UNC93B1: variants seen among roughly 807,000 people sequenced by gnomAD.
UNC93B1 encodes the protein protein unc-93 homolog B1.
In UNC93B1, 33 loss-of-function variants were observed where a neutral mutation model predicts 56.8. The ratio of observed to expected loss-of-function variants is 0.58; its 90% CI spans 0.44 to 0.78. The LOEUF is 0.78. Ranked by LOEUF, UNC93B1 falls within the 30% of genes least tolerant of loss-of-function variation. The pLI, the probability that UNC93B1 is intolerant of heterozygous loss-of-function variation, is 0.00. For missense variants in UNC93B1, 673 were observed against 819.5 expected, an observed-to-expected ratio of 0.82 and a Z score of 2.18; for synonymous variants, 334 against 358.6, an observed-to-expected ratio of 0.93 and a Z score of 0.77.
intron 10 of UNC93B1, among the ~76,000 whole-genome samples, chr11:67,992,643 A>C (rs976707132): frequency 3.4e-4 from 41 of 121,720 alleles, no homozygotes; most frequent in Middle Eastern, 6.7e-3. Context: ...CAGCCCACTC[A>C]CTGCTTTTCT....
intron 3 of UNC93B1, among the ~76,000 whole-genome samples, chr11:68,002,560 G>A (rs1476029872): frequency 2.0e-5 from 3 of 152,156 alleles, no homozygotes; most frequent in African/African-American, 4.8e-5. Context: ...GCTCAGATCT[G>A]GGGGAGAGCT....
chr11:68,000,754 G>A (rs72940176), intron 3 of UNC93B1, among the ~76,000 whole-genome samples: 41,746 of 152,090 alleles, frequency 0.27, 6,397 homozygotes, highest in African/African-American at 0.41. Context: ...TGAACATGTG[G>A]ATTTGAGTCC....
In UNC93B1 at chr11:67,996,756, C is replaced by T; in HGVS notation, c.935G>A (p.Arg312Gln). 6.4e-7 allele frequency: 1 copy of T among 1,562,380 alleles called. No homozygotes were observed. The highest frequency in any genetic ancestry group is 8.7e-7 in the Non-Finnish European group (1 of 1,153,088). ...LVLGLCGAAY[R>Q]PTEEIDLRSV... ...GCGCAGATCGATCTCCTCCGTGGGC[C>T]GGTAAGCGGCTCCGCACAAACCCAG... Residue 312 changes from arginine (R) to glutamine (Q), a missense_variant, in exon 8 of 11, where the codon CGG (arginine) becomes CAG (glutamine). Transcript: ENST00000227471.
intron 3 of UNC93B1, among the ~76,000 whole-genome samples, chr11:68,000,981 G>C (rs2134365635): frequency 6.6e-6 from 1 of 152,164 alleles, no homozygotes; most frequent in East Asian, 1.9e-4. Flanking sequence ...GATCACCTGA[G>C]GTCAGAAGTT....
chr11:68,003,747 G>A lies in UNC93B1; in HGVS notation c.148C>T (p.Arg50Cys). The change falls in exon 2 of 11, where the codon CGC (arginine) becomes TGC (cysteine). Residue 50 changes from arginine to cysteine, a missense_variant. Around this residue, in one of 3 missense-constraint regions of UNC93B1, gnomAD observed 438 missense variants for 465.9 expected, o/e 0.94. Coordinates refer to ENST00000227471, the MANE Select transcript of UNC93B1 (RefSeq NM_030930.4). This position sits in a 1 kb window ranked among gnomAD's most constrained non-coding sequence, Gnocchi z 4.4. The part of the protein sequence containing the change: ...YPNYNEEEEE[R>C]RYYRRKRLGV... ...AGGCGCTTGCGGCGGTAGTAGCGGC[G>A]CTCCTCCTCCTCCTCGTTGTAGTTG... The A allele has an allele frequency of 6.6e-7, 1 of 1,524,392 alleles. No individual in the cohort carries two copies. The highest frequency in any genetic ancestry group is 8.8e-7 in the Non-Finnish European group (1 of 1,142,030). 94.4% of individuals were successfully genotyped at this position (1,524,392 alleles called of 1,614,324 possible).
chr11:67,991,712 TC>T lies in UNC93B1; in HGVS notation c.1627del (p.Glu543ArgfsTer76). ...QHKVRGYRYLEEDNSDESDAE... is the reference protein window; with the variant it reads ...QHKVRGYRYLXEDNSDESDAE... Reference sequence around the variant, plus strand: ...GTCGCTCTCGTCCGAGTTGTCCTCCTCCAAGTAGCGGTAACCGCGCACCTTG... The same window carrying T: ...GTCGCTCTCGTCCGAGTTGTCCTCCTCAAGTAGCGGTAACCGCGCACCTTG... On this transcript the variant is annotated frameshift_variant, in exon 11 of 11. Coordinates refer to ENST00000227471, the MANE Select transcript of UNC93B1 (RefSeq NM_030930.4). LOFTEE classifies it low-confidence loss of function (END_TRUNC). 6.5e-7 allele frequency: 1 copy of T among 1,535,806 alleles called. No individual in the cohort carries two copies. The highest frequency in any genetic ancestry group is 8.7e-7 in the Non-Finnish European group (1 of 1,147,846).
intron 5 of UNC93B1, 34 bp downstream of exon 5, chr11:67,999,139 C>T (rs1224643919): frequency 6.2e-7 from 1 of 1,613,036 alleles, no homozygotes; most frequent in Non-Finnish European, 8.5e-7. Context: ...TGGGTCTGCC[C>T]CTGCCACCCA....
In UNC93B1 at chr11:67,995,789, C is replaced by T. The variant is rs1030781708; in HGVS notation, c.1185G>A (p.Leu395=). ...GCACCGGGCGTGGCAGCCACAGGCC[C>T]AGCAGGCCCAGGAGTGAGGCGGCTG... ...GASAASLLGL[L]GLWLPRPVPL... The change falls in exon 9 of 11, where the codon CTG becomes CTA. Residue 395 remains leucine (L), a synonymous_variant. Transcript: ENST00000227471. 6.5e-6 allele frequency: 10 copies of T among 1,547,720 alleles called. No homozygotes were observed. Among genetic ancestry groups the T allele is most frequent in the Non-Finnish European group, 7.0e-6 (8 of 1,146,626 alleles).
At chr11:67,999,400 G>A (rs549034388) in intron 4 of UNC93B1, 95 bp from the exon 5 acceptor site, 106 of 1,550,636 alleles carry the variant, frequency 6.8e-5, no homozygotes, top group Non-Finnish European at 8.2e-5. Flanking sequence ...GCCCCGGTGT[G>A]GGGAAACTGA....
intron 10 of UNC93B1, among the ~76,000 whole-genome samples, chr11:67,992,425 A>G (rs1305681451): frequency 6.6e-6 from 1 of 151,902 alleles, no homozygotes; most frequent in African/African-American, 2.4e-5. Flanking sequence ...TTCAGCCTCA[A>G]TCTTCCAGGC....
chr11:67,997,265 C>CT (rs2134361499), intron 7 of UNC93B1, among the ~76,000 whole-genome samples: 1 of 26 alleles, frequency 0.038, no homozygotes, highest in Non-Finnish European at 0.071. Context: ...CAGGCTGCAG[C>CT]ATGCCAACGC....
At chr11:67,998,000 G>A (rs766318739) in intron 6 of UNC93B1, among the ~76,000 whole-genome samples, 2 of 152,206 alleles carry the variant, frequency 1.3e-5, no homozygotes, top group South Asian at 2.1e-4. Flanking sequence ...GGTGTTCCCC[G>A]GGAAAGGGGC....
chr11:67,993,358 A>G (rs1008056679), intron 10 of UNC93B1, among the ~76,000 whole-genome samples: 34 of 152,262 alleles, frequency 2.2e-4, no homozygotes, highest in African/African-American at 7.7e-4. Context: ...TTTTGTGAGC[A>G]GAGCATGAGG....
intron 6 of UNC93B1, 37 bp from the exon 7 acceptor site, chr11:67,997,836 A>G (rs772166955): frequency 3.1e-6 from 5 of 1,593,694 alleles, no homozygotes; most frequent in Non-Finnish European, 3.4e-6. Flanking sequence ...GTGAGCAGAG[A>G]GTAGGGCACA....
At chr11:67,992,336 G>C (rs1054094856) in intron 10 of UNC93B1, among the ~76,000 whole-genome samples, 4 of 152,022 alleles carry the variant, frequency 2.6e-5, no homozygotes, top group African/African-American at 9.7e-5. Context: ...CTTTTTTCCA[G>C]ACACGGTCGC....
At position 68,003,697 on chromosome 11, in the gene UNC93B1, A is replaced by C; in HGVS notation, c.198T>G (p.Ala66=). 2 of 1,530,134 alleles carry C rather than the reference A, an allele frequency of 1.3e-6. No homozygotes were observed. Among genetic ancestry groups the C allele is most frequent in the Non-Finnish European group, 1.7e-6 (2 of 1,143,594 alleles). The allele number at this position is 1,530,134 out of a possible 1,614,324, so 94.8% of individuals were successfully genotyped here. ...AGGTGAGCATGCCCCCGGCGCTGGC[A>C]GCCAGCACGTTCTTGAGCACGCCCA... ...KRLGVLKNVL[A]ASAGGMLTYG... The change falls in exon 2 of 11, where the codon GCT becomes GCG. Residue 66 remains alanine, a synonymous_variant. Transcript: ENST00000227471. This position sits in a 1 kb window ranked among gnomAD's most constrained non-coding sequence, Gnocchi z 4.4.
chr11:67,997,826 G>A (rs1195297933), intron 6 of UNC93B1, 27 bp from the exon 7 acceptor site: 5 of 1,598,062 alleles, frequency 3.1e-6, no homozygotes, highest in African/African-American at 1.3e-5. Flanking sequence ...TGAGGGCACC[G>A]TGAGCAGAGA....
intron 3 of UNC93B1, 125 bp from the exon 4 acceptor site, chr11:67,999,805 A>C: frequency 3.9e-6 from 5 of 1,291,162 alleles, no homozygotes; most frequent in Non-Finnish European, 5.3e-6. Context: ...AGTCGAGGGC[A>C]CTGAGATGGA....
rs956278486 is a variant in UNC93B1 at position 68,003,883 on chromosome 11, C to T, written c.96+65G>A. On this transcript the variant is annotated intron_variant, in intron 1 of 10. Coordinates refer to ENST00000227471, the MANE Select transcript of UNC93B1 (RefSeq NM_030930.4). This position sits in a 1 kb window ranked among gnomAD's most constrained non-coding sequence, Gnocchi z 4.4. ...GCCCGCCGCCCCCCGGCCCGCCCCG[C>T]CCCCGCCGGGGGGACCCTGGCCCAC... 1.4e-5 allele frequency: 18 copies of T among 1,287,914 alleles called. No homozygotes were observed. The African/African-American group carries it at 2.8e-4, about 20-fold the overall frequency. The allele number at this position is 1,287,914 out of a possible 1,614,324, so 79.8% of individuals were successfully genotyped here. A position where few individuals can be genotyped will look rare whatever the true frequency, so the allele number is the denominator to read the frequency against.
Sources: gnomAD v4.1 joint callset for allele counts (sites outside exome capture counted in the v4.1 genomes callset) on GRCh38, gnomAD v4.1.1 for gene constraint, gnomAD v4.1.1 regional missense constraint, Gnocchi (gnomAD v3.1) non-coding constraint, MANE v1.5 for transcripts, NCBI Gene and HGNC (gene_info 2026-07-23, HGNC 2026-07-21) for gene names.